The following CUX1 variants were observed in gnomAD, a reference collection of about 807,000 sequenced individuals.
CUX1 encodes cut like homeobox 1.
A neutral mutation model predicts 158.8 loss-of-function variants in CUX1; 31 were observed. The observed-to-expected ratio is 0.20, with a 90% CI of 0.15 to 0.26. The LOEUF is 0.26. Among genes scored for constraint, CUX1 ranks in the 10% least tolerant of loss-of-function variants. The probability of loss-of-function intolerance (pLI) is 1.00; values close to 1 mark genes in which losing one functional copy is unlikely to be tolerated. For synonymous variants in CUX1, 879 were observed against 862.1 expected, an observed-to-expected ratio of 1.02 and a Z score of -0.34; for missense variants, 1,589 against 2,014.6, an observed-to-expected ratio of 0.79 and a Z score of 4.04.
At chr7:102,170,758 G>A (rs1791622760) in intron 10 of CUX1, among the ~76,000 whole-genome samples, 1 of 152,164 alleles carries the variant, frequency 6.6e-6, no homozygotes. Context: ...TGCGTGGGTG[G>A]GCTGAGGCTA....
intron 3 of CUX1, among the ~76,000 whole-genome samples, chr7:102,060,554 TA>T (rs1824686971): frequency 6.6e-6 from 1 of 151,064 alleles, no homozygotes; most frequent in Non-Finnish European, 1.5e-5. Context: ...AAGGCTTCAG[TA>T]TATATATACA....
chr7:101,905,903 G>A (rs554779114), intron 1 of CUX1, among the ~76,000 whole-genome samples: 3 of 151,996 alleles, frequency 2.0e-5, no homozygotes, highest in East Asian at 3.9e-4. Flanking sequence ...GCCCAGGCTG[G>A]GCTCGAACTT....
At chr7:102,164,814 G>A (rs944363117) in intron 9 of CUX1, among the ~76,000 whole-genome samples, 1 of 152,150 alleles carries the variant, frequency 6.6e-6, no homozygotes, top group African/African-American at 2.4e-5. Flanking sequence ...TTTGTTCCTC[G>A]GGGGACTTGC....
chr7:102,280,690 T>C (rs1791996742), intron 19 of CUX1: 2 of 1,025,392 alleles, frequency 2.0e-6, no homozygotes, highest in African/African-American at 1.6e-5. Flanking sequence ...CCCCTGGGGG[T>C]CTGCAAGAAC....
chr7:102,228,713 G>A (rs1436841841), intron 21 of CUX1, among the ~76,000 whole-genome samples: 1 of 152,146 alleles, frequency 6.6e-6, no homozygotes, highest in African/African-American at 2.4e-5. Flanking sequence ...CAGGAGAATC[G>A]TTTGAACCCT....
upstream of CUX1, chr7:101,817,426 C>A (rs1035648618): frequency 2.0e-6 from 2 of 984,412 alleles, no homozygotes; most frequent in African/African-American, 3.5e-5. The surrounding 1 kb of genome is among the most constrained non-coding windows in gnomAD (Gnocchi z 4.1). Flanking sequence ...GGGACCGTGG[C>A]ATGCCGGGCG....
At chr7:102,050,938 C>G (rs990437760) in intron 3 of CUX1, among the ~76,000 whole-genome samples, 1 of 152,106 alleles carries the variant, frequency 6.6e-6, no homozygotes, top group Non-Finnish European at 1.5e-5. Flanking sequence ...TTGGCTTTCT[C>G]CCTCTCTTTC....
chr7:102,120,763 G>A (rs1236342764), intron 8 of CUX1, among the ~76,000 whole-genome samples: 2 of 152,200 alleles, frequency 1.3e-5, no homozygotes, highest in Non-Finnish European at 2.9e-5. Context: ...ACATAAGACA[G>A]AATTTGAAAA....
chr7:102,004,848 G>C (rs1380943860), intron 2 of CUX1, among the ~76,000 whole-genome samples: 1 of 152,204 alleles, frequency 6.6e-6, no homozygotes, highest in East Asian at 1.9e-4. Flanking sequence ...TTCTCTAAAA[G>C]AGCCTGGTGC....
intron 1 of CUX1, among the ~76,000 whole-genome samples, chr7:101,915,189 G>C (rs933885389): frequency 2.6e-5 from 4 of 152,206 alleles, no homozygotes; most frequent in African/African-American, 9.7e-5. Context: ...GGCGACAGCA[G>C]TGTGTCCTTG....
At chr7:102,274,313 A>G in intron 16 of CUX1, 1 of 1,612,776 alleles carries the variant, frequency 6.2e-7, no homozygotes, top group Non-Finnish European at 8.5e-7. Context: ...ATTCTACGGT[A>G]AGGAGAGGCC....
At chr7:101,940,168 A>T (rs542748061) in intron 2 of CUX1, among the ~76,000 whole-genome samples, 9 of 147,676 alleles carry the variant, frequency 6.1e-5, no homozygotes, top group African/African-American at 2.3e-4. Context: ...TGAGCCCGGG[A>T]GGTTGAGAAT....
chr7:101,818,149 TTAAG>T (rs1792085576), intron 1 of CUX1, among the ~76,000 whole-genome samples: 1 of 152,182 alleles, frequency 6.6e-6, no homozygotes, highest in Non-Finnish European at 1.5e-5. Context: ...TTAAAGGAGT[TTAAG>T]TATTTATTGA....
At chr7:101,853,276 ATTACTCTTC>A (rs775448357) in intron 1 of CUX1, among the ~76,000 whole-genome samples, 1 of 152,156 alleles carries the variant, frequency 6.6e-6, no homozygotes, top group Non-Finnish European at 1.5e-5. Flanking sequence ...GTAGTATATG[ATTACTCTTC>A]CCTGAGTTTG....
intron 8 of CUX1, among the ~76,000 whole-genome samples, chr7:102,148,858 G>A (rs372673422): frequency 2.0e-4 from 29 of 147,878 alleles, no homozygotes; most frequent in African/African-American, 5.7e-4. Context: ...CCCTTTCCCC[G>A]CAAGTCCCCA....
At chr7:101,871,791 G>A (rs1045805720) in intron 1 of CUX1, among the ~76,000 whole-genome samples, 1 of 152,188 alleles carries the variant, frequency 6.6e-6, no homozygotes, top group African/African-American at 2.4e-5. Flanking sequence ...GCCAAGGCGG[G>A]TGGATCACCT....
At chr7:101,946,213 G>C (rs369383673) in intron 2 of CUX1, among the ~76,000 whole-genome samples, 3 of 152,294 alleles carry the variant, frequency 2.0e-5, no homozygotes, top group East Asian at 3.9e-4. Context: ...GGAAGAGAAG[G>C]GTTTCCAGCA....
intron 1 of CUX1, among the ~76,000 whole-genome samples, chr7:101,881,103 C>T (rs1009042825): frequency 6.6e-6 from 1 of 151,622 alleles, no homozygotes; most frequent in Non-Finnish European, 1.5e-5. Flanking sequence ...TTTGAAACAT[C>T]AGTAGGGAAG....
At chr7:102,165,716 T>C (rs1470584382) in intron 9 of CUX1, among the ~76,000 whole-genome samples, 1 of 152,064 alleles carries the variant, frequency 6.6e-6, no homozygotes, top group Non-Finnish European at 1.5e-5. Context: ...CCTTGAGGGA[T>C]GGGCAGGGGT....
Sources: gnomAD v4.1 joint callset for allele counts (sites outside exome capture counted in the v4.1 genomes callset) on GRCh38, gnomAD v4.1.1 for gene constraint, Gnocchi (gnomAD v3.1) non-coding constraint, MANE v1.5 for transcripts, NCBI Gene and HGNC (gene_info 2026-07-23, HGNC 2026-07-21) for gene names.